Variants in PFKL observed in about 807,000 individuals in gnomAD.
PFKL encodes the protein ATP-dependent 6-phosphofructokinase, liver type.
A neutral mutation model predicts 92.1 loss-of-function variants in PFKL; 74 were observed. The ratio of observed to expected loss-of-function variants is 0.80; its 90% CI spans 0.67 to 0.97. PFKL has a LOEUF of 0.97. PFKL is among the 50% of genes least tolerant of loss of function. PFKL has a pLI of 0.00. For missense variants in PFKL, 1,028 were observed against 1,116.6 expected, an observed-to-expected ratio of 0.92 and a Z score of 1.13; for synonymous variants, 494 against 456.4, an observed-to-expected ratio of 1.08 and a Z score of -1.05.
chr21:44,319,448 C>G, intron 11 of PFKL, 33 bp downstream of exon 11: 1 of 1,579,936 alleles, frequency 6.3e-7, no homozygotes, highest in Non-Finnish European at 8.7e-7. Flanking sequence ...TGCACTCTTA[C>G]ATGGCTGGGT....
chr21:44,310,965 T>A (rs762702374), intron 2 of PFKL, 41 bp from the exon 3 acceptor site: 1 of 1,516,796 alleles, frequency 6.6e-7, no homozygotes, highest in Non-Finnish European at 9.1e-7. Flanking sequence ...CCGGCCGCCA[T>A]GGGGTCCCCT....
chr21:44,311,482 G>C (rs1022820480), intron 3 of PFKL, among the ~76,000 whole-genome samples: 1 of 152,108 alleles, frequency 6.6e-6, no homozygotes, highest in Non-Finnish European at 1.5e-5. Context: ...ACACAGATGC[G>C]CACACAGGTA....
At chr21:44,305,689 G>A in intron 1 of PFKL, 3 of 1,125,376 alleles carry the variant, frequency 2.7e-6, no homozygotes, top group Non-Finnish European at 3.6e-6. Context: ...TGCCCCTTTT[G>A]TATGAAGTCA....
In PFKL at chr21:44,324,034, G is replaced by A. The variant is rs1233313795; in HGVS notation, c.1650+116G>A. ...GTGAGCACCTGGGAGGGCTGCCAGG[G>A]TTGGGGTTTGTGGGGCACAGGCCCG... On this transcript the variant is annotated intron_variant, in intron 16 of 21. Transcript: ENST00000349048. 3 of 1,247,208 alleles carry A rather than the reference G, an allele frequency of 2.4e-6. No homozygotes were observed. The African/African-American group carries it at 4.4e-5, about 18-fold the overall frequency. The allele number at this position is 1,247,208 out of a possible 1,614,324, so 77.3% of individuals were successfully genotyped here. A position where few individuals can be genotyped will look rare whatever the true frequency, so the allele number is the denominator to read the frequency against.
chr21:44,308,559 ATT>A (rs532812261), intron 2 of PFKL, among the ~76,000 whole-genome samples: 18 of 133,600 alleles, frequency 1.3e-4, no homozygotes, highest in Admixed American at 3.0e-4. Context: ...GGGGGTAGGA[ATT>A]TTTTTTTTTT....
chr21:44,300,082 T>G lies in PFKL; in HGVS notation c.-24T>G. ...CGGCGCAGGCGGCGGGAGTGCGAGC[T>G]GGGCCCGTGTTTCGGCCGCCGCCAT... On this transcript the variant is annotated 5_prime_UTR_variant, in exon 1 of 22. Coordinates refer to ENST00000349048, the MANE Select transcript of PFKL (RefSeq NM_002626.6). The G allele has an allele frequency of 9.2e-7, 1 of 1,089,996 alleles. No individual in the cohort carries two copies. The allele number at this position is 1,089,996 out of a possible 1,614,324, so 67.5% of individuals were successfully genotyped here. A position where few individuals can be genotyped will look rare whatever the true frequency, so the allele number is the denominator to read the frequency against.
At chr21:44,300,607 C>T (rs1434698927) in intron 1 of PFKL, among the ~76,000 whole-genome samples, 1 of 152,220 alleles carries the variant, frequency 6.6e-6, no homozygotes, top group Non-Finnish European at 1.5e-5. Context: ...CTGCGGGCTT[C>T]CGGGACCTCC....
In PFKL at chr21:44,320,136, C is replaced by G; in HGVS notation, c.1180C>G (p.Pro394Ala). ...CAAGCTCCTCGCCCACCAGAAGCCC[C>G]CCAAGGAGAAGGTGAGGCAGGGAGC... ...IYKLLAHQKP[P>A]KEKSNFSLAI... is the part of the protein sequence containing the mutation. Residue 394 changes from proline to alanine, a missense_variant, in exon 12 of 22, where the codon CCC becomes GCC. Pro to Ala is a conservative substitution (Grantham distance 27). Coordinates refer to ENST00000349048, the MANE Select transcript of PFKL (RefSeq NM_002626.6). The G allele has an allele frequency of 1.2e-6, 2 of 1,613,410 alleles. No individual in the cohort carries two copies. The highest frequency in any genetic ancestry group is 1.7e-6 in the Non-Finnish European group (2 of 1,179,774).
intron 6 of PFKL, 50 bp from the exon 7 acceptor site, chr21:44,313,863 C>T (rs1171372566): frequency 6.9e-7 from 1 of 1,458,832 alleles, no homozygotes; most frequent in Non-Finnish European, 9.4e-7. Context: ...GGGAAGCTCC[C>T]CTCAACGGCT....
chr21:44,320,775 C>T (rs1201809405), intron 12 of PFKL: 1 of 152,334 alleles, frequency 6.6e-6, no homozygotes, highest in Non-Finnish European at 1.5e-5. Flanking sequence ...TGGGATCTCT[C>T]CAAAATAAGG....
intron 4 of PFKL, 85 bp from the exon 5 acceptor site, chr21:44,312,893 G>A: frequency 6.9e-7 from 1 of 1,442,524 alleles, no homozygotes; most frequent in Non-Finnish European, 9.6e-7. Flanking sequence ...GGGATGCGGG[G>A]GAAGGGGTGG....
intron 3 of PFKL, among the ~76,000 whole-genome samples, chr21:44,311,792 G>T (rs1027481687): frequency 1.3e-5 from 2 of 152,174 alleles, no homozygotes; most frequent in African/African-American, 4.8e-5. Context: ...GTGTGCACGT[G>T]TGCACGCACA....
chr21:44,300,769 G>T (rs1459777436), intron 1 of PFKL, among the ~76,000 whole-genome samples: 2 of 152,258 alleles, frequency 1.3e-5, no homozygotes, highest in Non-Finnish European at 2.9e-5. Context: ...CACCCTTTTC[G>T]CAGGGGTACT....
chr21:44,304,269 TC>T lies in PFKL; in HGVS notation c.86-2409del, dbSNP rs1408282929. 4 of 1,288,960 alleles carry T rather than the reference TC, an allele frequency of 3.1e-6. No homozygotes were observed. The African/African-American group carries it at 4.6e-5, about 15-fold the overall frequency. The allele number at this position is 1,288,960 out of a possible 1,614,324, so 79.8% of individuals were successfully genotyped here. A position where few individuals can be genotyped will look rare whatever the true frequency, so the allele number is the denominator to read the frequency against. ...CCTGATCCTGGGGCCCCTTTGCCGT[TC>T]CCAGGTCCCCTGACAAGCCCACCAG... On this transcript the variant is annotated intron_variant, in intron 1 of 21. Coordinates refer to ENST00000349048, the MANE Select transcript of PFKL (RefSeq NM_002626.6).
chr21:44,300,137 C>A lies in PFKL; in HGVS notation c.32C>A (p.Ala11Glu). Residue 11 changes from alanine (A) to glutamate (E), a missense_variant, in exon 1 of 22, where the codon GCG becomes GAG. By Grantham distance (107) the Ala-to-Glu change is moderately radical. Transcript: ENST00000349048. ...GCGGTGGACCTGGAGAAGCTGCGGG[C>A]GTCGGGCGCGGGCAAGGCCATCGGC... MAAVDLEKLR[A>E]SGAGKAIGVL... The A allele has an allele frequency of 8.4e-7, 1 of 1,190,934 alleles. No homozygotes were observed. Among genetic ancestry groups the A allele is most frequent in the South Asian group, 1.8e-5 (1 of 55,784 alleles). The allele number at this position is 1,190,934 out of a possible 1,614,324, so 73.8% of individuals were successfully genotyped here.
rs377685808 is a variant in PFKL at position 44,313,898 on chromosome 21, C to T, written c.639-15C>T. On this transcript the variant is annotated splice_polypyrimidine_tract_variant and intron_variant, in intron 6 of 21. Coordinates refer to ENST00000349048, the MANE Select transcript of PFKL (RefSeq NM_002626.6). Reference sequence around the variant, plus strand: ...TGGGTGGGGGTCCTGAGCAGGCAGGCGCTCGCTCCTCCAGGTACCTGGCGC... The same window carrying T: ...TGGGTGGGGGTCCTGAGCAGGCAGGTGCTCGCTCCTCCAGGTACCTGGCGC... 60 of 1,559,366 alleles carry T rather than the reference C, an allele frequency of 3.8e-5. No homozygotes were observed. The highest frequency in any genetic ancestry group is 5.7e-5 in the Admixed American group (3 of 52,814).
chr21:44,317,684 C>T (rs1325358390), intron 9 of PFKL, among the ~76,000 whole-genome samples: 1 of 152,200 alleles, frequency 6.6e-6, no homozygotes, highest in Non-Finnish European at 1.5e-5. Flanking sequence ...GCCCGTATTC[C>T]CACTGGGTGC....
chr21:44,307,156 C>G (rs961750015), intron 2 of PFKL: 1 of 407,292 alleles, frequency 2.5e-6, no homozygotes. Flanking sequence ...GGGACCTCAC[C>G]GCCTCTGCCC....
rs779247735 is a variant in PFKL, at chr21:44,313,909, C to T, written c.639-4C>T. ...CCTGAGCAGGCAGGCGCTCGCTCCT[C>T]CAGGTACCTGGCGCTGGTATCTGCA... is the stretch of plus-strand genomic sequence containing the variant. On this transcript the variant is annotated splice_region_variant and splice_polypyrimidine_tract_variant and intron_variant, in intron 6 of 21. Coordinates refer to ENST00000349048, the MANE Select transcript of PFKL (RefSeq NM_002626.6). 17 of 1,584,170 alleles carry T rather than the reference C, an allele frequency of 1.1e-5. No homozygotes were observed. In the South Asian group the frequency reaches 1.9e-4, roughly 18 times the overall value.
Sources: gnomAD v4.1 joint callset for allele counts (sites outside exome capture counted in the v4.1 genomes callset) on GRCh38, gnomAD v4.1.1 for gene constraint, MANE v1.5 for transcripts, NCBI Gene and HGNC (gene_info 2026-07-23, HGNC 2026-07-21) for gene names.